GPHN: variants seen among roughly 807,000 people sequenced by gnomAD.
GPHN encodes the protein gephyrin.
A neutral mutation model predicts 95.5 loss-of-function variants in GPHN; 17 were observed. The observed-to-expected ratio is 0.18, with a 90% confidence interval of 0.12 to 0.27. The LOEUF is 0.27. Among genes scored for constraint, GPHN ranks in the 10% least tolerant of loss-of-function variants. The probability of loss-of-function intolerance (pLI) is 1.00; values close to 1 mark genes in which losing one functional copy is unlikely to be tolerated. For missense variants in GPHN, 660 were observed against 978.1 expected (o/e 0.67, Z 4.34); for synonymous variants, 320 against 322.5 (o/e 0.99, Z 0.08).
intron 2 of GPHN, among the ~76,000 whole-genome samples, chr14:66,685,152 A>T (rs1430229872): frequency 6.6e-6 from 1 of 152,124 alleles, no homozygotes; most frequent in Non-Finnish European, 1.5e-5. Context: ...TCTATCATTG[A>T]TGGACATTTG....
intron 5 of GPHN, among the ~76,000 whole-genome samples, chr14:66,892,808 G>A (rs2064594274): frequency 6.6e-6 from 1 of 152,164 alleles, no homozygotes; most frequent in Non-Finnish European, 1.5e-5. Flanking sequence ...TCTGGAGATG[G>A]ACAGTGGTGA....
chr14:67,290,933 G>T, the GPHN span, among the ~76,000 whole-genome samples: 2 of 152,170 alleles, frequency 1.3e-5, no homozygotes, highest in Admixed American at 1.3e-4. Flanking sequence ...AATTCTAGAT[G>T]AATTAAAATT....
chr14:67,509,466 G>A, the GPHN span, among the ~76,000 whole-genome samples: 1 of 152,070 alleles, frequency 6.6e-6, no homozygotes, highest in Non-Finnish European at 1.5e-5. Flanking sequence ...CTACAGGCAC[G>A]AGCCGCCATG....
intron 8 of GPHN, among the ~76,000 whole-genome samples, chr14:66,926,807 G>A (rs900363411): frequency 3.3e-5 from 5 of 152,104 alleles, no homozygotes; most frequent in Non-Finnish European, 5.9e-5. Flanking sequence ...GATAGGGATT[G>A]CATTGAGTCC....
the GPHN span, among the ~76,000 whole-genome samples, chr14:67,215,049 G>A: frequency 6.6e-6 from 1 of 152,168 alleles, no homozygotes; most frequent in Admixed American, 6.5e-5. Context: ...TTGCTTGTCA[G>A]CTTAAGGAGA....
intron 4 of GPHN, among the ~76,000 whole-genome samples, chr14:66,828,492 T>A (rs1187804707): frequency 6.6e-6 from 1 of 152,112 alleles, no homozygotes; most frequent in Non-Finnish European, 1.5e-5. Context: ...TATTTTTAAA[T>A]GAGGTCAGAA....
At chr14:66,665,941 G>A (rs915065468) in intron 1 of GPHN, among the ~76,000 whole-genome samples, 7 of 152,124 alleles carry the variant, frequency 4.6e-5, no homozygotes, top group African/African-American at 1.2e-4. Flanking sequence ...ATGAGTTCAC[G>A]TCCTTTGTAG....
At chr14:67,349,783 G>A in the GPHN span, among the ~76,000 whole-genome samples, 2 of 152,108 alleles carry the variant, frequency 1.3e-5, no homozygotes, top group Non-Finnish European at 2.9e-5. Context: ...ATACACTATT[G>A]ATTGATCTCC....
chr14:67,089,125 C>CTTTTTTTTTTTTTTTTTTT (rs1264164364), intron 12 of GPHN, 50 bp downstream of exon 12: 3 of 329,566 alleles, frequency 9.1e-6, no homozygotes, highest in South Asian at 5.9e-5. Context: ...ATTTTTTTTT[C>CTTTTTTTTTTTTTTTTTTT]TTTTTTTCTT....
the GPHN span, among the ~76,000 whole-genome samples, chr14:67,461,326 G>A: frequency 6.6e-6 from 1 of 152,156 alleles, no homozygotes; most frequent in African/African-American, 2.4e-5. Flanking sequence ...ATGCCCACTT[G>A]AGTCAGGAAC....
intron 17 of GPHN, among the ~76,000 whole-genome samples, chr14:67,127,681 G>A (rs1299276963): frequency 6.6e-6 from 1 of 152,200 alleles, no homozygotes; most frequent in East Asian, 1.9e-4. Flanking sequence ...CGTCTGCTAT[G>A]AATTTTAAGC....
In GPHN at chr14:67,020,534, C is replaced by T. The variant is rs17103833; in HGVS notation, c.964-3099C>T. Among the ~76,000 whole-genome samples, 463 of 152,160 alleles carry T rather than the reference C, an allele frequency of 3.0e-3. 3 individuals carry two copies. Among genetic ancestry groups the T allele is most frequent in the African/African-American group, 0.011 (437 of 41,522 alleles). On this transcript the variant is annotated intron_variant, in intron 9 of 22. Transcript: ENST00000478722. ...TCACATCTTAAGATTTCCTAATGGA[C>T]GATGTGATCTTCAGCAAAAATTATA...
At chr14:66,762,622 T>G (rs2058801734) in intron 2 of GPHN, among the ~76,000 whole-genome samples, 1 of 152,098 alleles carries the variant, frequency 6.6e-6, no homozygotes, top group African/African-American at 2.4e-5. Flanking sequence ...GACTGTTTTC[T>G]GTTCATAACC....
the GPHN span, chr14:67,347,311 C>T: frequency 6.5e-5 from 61 of 941,200 alleles, no homozygotes; most frequent in South Asian, 9.2e-5. Context: ...ACTCAGGAAC[C>T]TCTCAACATC....
chr14:66,555,589 T>A (rs1394860415), intron 1 of GPHN, among the ~76,000 whole-genome samples: 1 of 152,134 alleles, frequency 6.6e-6, no homozygotes, highest in Non-Finnish European at 1.5e-5. Context: ...TACTACCAAA[T>A]ACATTATCAT....
chr14:66,590,760 T>A (rs1414450946), intron 1 of GPHN, among the ~76,000 whole-genome samples: 4 of 152,176 alleles, frequency 2.6e-5, no homozygotes, highest in Admixed American at 6.5e-5. Flanking sequence ...TCTGAAACTG[T>A]TCCAAACAAG....
At chr14:66,769,152 A>G (rs1226515455) in intron 2 of GPHN, among the ~76,000 whole-genome samples, 1 of 152,050 alleles carries the variant, frequency 6.6e-6, no homozygotes, top group Non-Finnish European at 1.5e-5. Context: ...AAGCATATAG[A>G]TAATGCTAGA....
the GPHN span, chr14:67,735,237 C>T: frequency 1.0e-5 from 14 of 1,395,002 alleles, no homozygotes; most frequent in African/African-American, 8.5e-5. Context: ...GGTGCTCCCA[C>T]GAGACACAGC....
intron 10 of GPHN, among the ~76,000 whole-genome samples, chr14:67,046,896 G>C (rs1840764245): frequency 6.6e-6 from 1 of 152,152 alleles, no homozygotes; most frequent in Admixed American, 6.5e-5. Flanking sequence ...TAAATGCTTT[G>C]TATATCTGAA....
Sources: allele counts gnomAD v4.1 joint callset (sites outside exome capture counted in the v4.1 genomes callset), GRCh38; gene constraint gnomAD v4.1.1; transcripts MANE v1.5; gene names NCBI Gene and HGNC (gene_info 2026-07-23, HGNC 2026-07-21).